Variants in SLCO1B3 observed in about 807,000 individuals in gnomAD.
SLCO1B3 encodes the protein solute carrier organic anion transporter family member 1B3.
In SLCO1B3, 72 loss-of-function variants were observed where a neutral mutation model predicts 71.8. That is an observed-to-expected ratio of 1.00 (90% confidence interval 0.83 to 1.22). The LOEUF (loss-of-function observed/expected upper bound fraction) is 1.22, where lower values mean the gene tolerates loss of function less well. SLCO1B3 is among the 50% of genes most tolerant of loss of function. The pLI, the probability that SLCO1B3 is intolerant of heterozygous loss-of-function variation, is 0.00. For synonymous variants in SLCO1B3, 298 were observed against 278.4 expected (o/e 1.07, Z -0.70); for missense variants, 911 against 819.7 (o/e 1.11, Z -1.36).
intron 2 of SLCO1B3, among the ~76,000 whole-genome samples, chr12:20,815,211 C>A (rs535052049): frequency 6.6e-6 from 1 of 151,988 alleles, no homozygotes; most frequent in African/African-American, 2.4e-5. Flanking sequence ...CTGAGGCTAT[C>A]CTAATCATTA....
chr12:20,889,203 GCTGA>G (rs1471540226), intron 13 of SLCO1B3, among the ~76,000 whole-genome samples: 1 of 151,060 alleles, frequency 6.6e-6, no homozygotes, highest in African/African-American at 2.4e-5. Flanking sequence ...TCAGCATGAT[GCTGA>G]CTTCATAGAA....
intron 6 of SLCO1B3, among the ~76,000 whole-genome samples, chr12:20,861,492 T>C (rs1198770378): frequency 6.6e-6 from 1 of 152,122 alleles, no homozygotes; most frequent in Non-Finnish European, 1.5e-5. Context: ...CCTCCTAGTG[T>C]ACAAATGGAT....
chr12:20,852,561 A>G (rs1020919264), intron 3 of SLCO1B3, among the ~76,000 whole-genome samples: 4 of 152,336 alleles, frequency 2.6e-5, no homozygotes, highest in Middle Eastern at 3.4e-3. Flanking sequence ...TAACAATACT[A>G]AATCTTCCAA....
intron 15 of SLCO1B3, among the ~76,000 whole-genome samples, chr12:20,915,452 C>T (rs940001928): frequency 1.3e-5 from 2 of 152,166 alleles, no homozygotes; most frequent in Non-Finnish European, 2.9e-5. Context: ...TATTCCCTGA[C>T]ATATCTGGGT....
chr12:20,895,028 A>G (rs1865976383), intron 13 of SLCO1B3, among the ~76,000 whole-genome samples: 1 of 152,160 alleles, frequency 6.6e-6, no homozygotes, highest in South Asian at 2.1e-4. Context: ...TTATAAAGCA[A>G]TCAAACCTCA....
chr12:20,892,129 C>G (rs992612711), intron 13 of SLCO1B3, among the ~76,000 whole-genome samples: 1 of 152,086 alleles, frequency 6.6e-6, no homozygotes, highest in Non-Finnish European at 1.5e-5. Context: ...AACAATCTAT[C>G]TTCTTTATAC....
At chr12:20,839,944 T>C (rs2121166835) in intron 3 of SLCO1B3, among the ~76,000 whole-genome samples, 1 of 152,322 alleles carries the variant, frequency 6.6e-6, no homozygotes, top group South Asian at 2.1e-4. Flanking sequence ...AGTATACTAA[T>C]ATGCTTGTCA....
intron 8 of SLCO1B3, among the ~76,000 whole-genome samples, chr12:20,867,338 A>C (rs1280014784): frequency 6.6e-6 from 1 of 152,208 alleles, no homozygotes; most frequent in East Asian, 1.9e-4. Context: ...AACAGGAAAC[A>C]AATTTCTACT....
intron 15 of SLCO1B3, among the ~76,000 whole-genome samples, chr12:20,904,268 A>G (rs1266411636): frequency 1.3e-5 from 2 of 151,828 alleles, no homozygotes; most frequent in Non-Finnish European, 2.9e-5. Context: ...TACTTCCAAG[A>G]TACAATGGGG....
At chr12:20,842,699 A>T in intron 3 of SLCO1B3, among the ~76,000 whole-genome samples, 1 of 152,198 alleles carries the variant, frequency 6.6e-6, no homozygotes, top group South Asian at 2.1e-4. Flanking sequence ...CTATCTTAGA[A>T]TATTATGCCA....
chr12:20,818,912 G>A (rs1318138840), intron 3 of SLCO1B3, among the ~76,000 whole-genome samples: 2 of 152,240 alleles, frequency 1.3e-5, no homozygotes, highest in Non-Finnish European at 2.9e-5. Context: ...TCCGGGCCAG[G>A]AACAATGGTA....
chr12:20,864,538 C>A lies in SLCO1B3; in HGVS notation c.727+1684C>A, dbSNP rs775734906. ...AAGTACCTGATGATATGTTTTATAT[C>A]TTCCATGTTAGACATGTGGCTTAGT... On this transcript the variant is annotated intron_variant, in intron 8 of 15. Transcript: ENST00000381545. Among the ~76,000 whole-genome samples the A allele has an allele frequency of 3.3e-4, 50 of 152,250 alleles. 1 individual carries two copies. The South Asian group carries it at 7.9e-3, about 24-fold the overall frequency.
intron 2 of SLCO1B3, among the ~76,000 whole-genome samples, 194 bp from the exon 3 acceptor site, chr12:20,815,480 C>T (rs923690091): frequency 1.3e-5 from 2 of 152,016 alleles, no homozygotes; most frequent in Admixed American, 1.3e-4. Flanking sequence ...ATTATAATCT[C>T]TTTAGGCTAG....
chr12:20,874,721 C>T (rs1007571736), intron 8 of SLCO1B3, among the ~76,000 whole-genome samples: 2 of 152,124 alleles, frequency 1.3e-5, no homozygotes, highest in African/African-American at 2.4e-5. Context: ...GTTTTTCATC[C>T]TCTGTGCTGT....
At chr12:20,889,003 G>A (rs138670390) in intron 13 of SLCO1B3, among the ~76,000 whole-genome samples, 3 of 151,076 alleles carry the variant, frequency 2.0e-5, no homozygotes, top group African/African-American at 7.3e-5. Context: ...TTTTTGATTC[G>A]CATATGTTGA....
At chr12:20,907,131 G>A (rs79308241) in intron 15 of SLCO1B3, among the ~76,000 whole-genome samples, 5,050 of 152,062 alleles carry the variant, frequency 0.033, 171 homozygotes, top group East Asian at 0.19. Context: ...AAATGTGTGC[G>A]GAATATGCTA....
rs554448847 is a variant in SLCO1B3 at position 20,876,991 on chromosome 12, C to A, written c.971-781C>A. Among the ~76,000 whole-genome samples, 54 of 152,146 alleles carry A rather than the reference C, an allele frequency of 3.5e-4. 1 individual carries two copies. Among genetic ancestry groups the A allele is most frequent in the Middle Eastern group, 3.4e-3 (1 of 294 alleles). On this transcript the variant is annotated intron_variant, in intron 9 of 15. Coordinates refer to ENST00000381545, the MANE Select transcript of SLCO1B3 (RefSeq NM_019844.4). ...GACTACAGGCACACACTGCCATACC[C>A]GGCTAATTTTTTGTATTTTTGTAGA...
At chr12:20,902,980 G>A (rs924998538) in intron 15 of SLCO1B3, among the ~76,000 whole-genome samples, 7 of 151,522 alleles carry the variant, frequency 4.6e-5, no homozygotes, top group Non-Finnish European at 8.8e-5. Context: ...GGCTGAGGTG[G>A]GACAACTGCT....
intron 15 of SLCO1B3, among the ~76,000 whole-genome samples, chr12:20,909,768 T>TGGC (rs1320306003): frequency 6.6e-6 from 1 of 152,166 alleles, no homozygotes; most frequent in Admixed American, 6.5e-5. Flanking sequence ...AGGAGTGCAG[T>TGGC]GGCACCTTCT....
Sources: allele counts gnomAD v4.1 joint callset (sites outside exome capture counted in the v4.1 genomes callset), GRCh38; gene constraint gnomAD v4.1.1; transcripts MANE v1.5; gene names NCBI Gene and HGNC (gene_info 2026-07-23, HGNC 2026-07-21).